DMTF1: variants seen among roughly 807,000 people sequenced by gnomAD.
DMTF1 encodes cyclin D binding myb like transcription factor 1.
A neutral mutation model predicts 91.1 loss-of-function variants in DMTF1; 39 were observed. That is an observed-to-expected ratio of 0.43 (90% confidence interval 0.33 to 0.56). The LOEUF (loss-of-function observed/expected upper bound fraction) is 0.56. Ranked by LOEUF, DMTF1 falls within the 20% of genes least tolerant of loss-of-function variation. The pLI is 0.05. For missense variants in DMTF1, 750 were observed against 914.5 expected (o/e 0.82, Z 2.32); for synonymous variants, 338 against 309.5 (o/e 1.09, Z -0.97).
chr7:87,171,085 T>TA lies in DMTF1; in HGVS notation c.324dup (p.Gln109ThrfsTer6). On this transcript the variant is annotated frameshift_variant, in exon 5 of 18. Transcript: ENST00000331242. LOFTEE classifies it high-confidence loss of function. Reference sequence around the variant, plus strand: ...GTTACTGAGGGGACTGTGACACAGATACAGGTATAGTAAATCTTTTAACTG... The same window carrying TA: ...GTTACTGAGGGGACTGTGACACAGATAACAGGTATAGTAAATCTTTTAACTG... The TA allele has an allele frequency of 6.3e-7, 1 of 1,595,650 alleles. No homozygotes were observed.
chr7:87,160,196 A>G (rs1562777492), intron 1 of DMTF1, among the ~76,000 whole-genome samples: 1 of 152,116 alleles, frequency 6.6e-6, no homozygotes, highest in Non-Finnish European at 1.5e-5. Context: ...CTGTGTAACA[A>G]CTGTCTTGAT....
chr7:87,179,530 A>T lies in DMTF1; in HGVS notation c.520-15A>T. 6.7e-7 allele frequency: 1 copy of T among 1,498,064 alleles called. No individual in the cohort carries two copies. The highest frequency in any genetic ancestry group is 1.5e-5 in the South Asian group (1 of 68,946). 92.8% of individuals were successfully genotyped at this position (1,498,064 alleles called of 1,614,324 possible). On this transcript the variant is annotated splice_polypyrimidine_tract_variant and intron_variant, in intron 7 of 17. Transcript: ENST00000331242. ...TATCAGAAATCCCTAAATCAAAGAA[A>T]TGTAACCCATTTAGGCACGCGGAAT...
At chr7:87,193,116 G>C (rs888647493) in intron 14 of DMTF1, 82 bp from the exon 15 acceptor site, 1 of 1,448,526 alleles carries the variant, frequency 6.9e-7, no homozygotes, top group African/African-American at 1.4e-5. Context: ...GTACATTTGT[G>C]TCTAGTAAAC....
chr7:87,167,764 C>G (rs926776155), intron 4 of DMTF1, among the ~76,000 whole-genome samples: 2 of 152,084 alleles, frequency 1.3e-5, no homozygotes, highest in Non-Finnish European at 2.9e-5. Context: ...CTGATGATTC[C>G]TATGTTTTTT....
chr7:87,170,908 G>C (rs1029408845), intron 4 of DMTF1, 87 bp from the exon 5 acceptor site: 1 of 833,232 alleles, frequency 1.2e-6, no homozygotes, highest in African/African-American at 1.7e-5. Flanking sequence ...GAAATTAGAT[G>C]ATCATGTTTT....
chr7:87,191,760 G>A (rs1412793471), intron 14 of DMTF1, among the ~76,000 whole-genome samples: 2 of 152,188 alleles, frequency 1.3e-5, no homozygotes, highest in African/African-American at 2.4e-5. Context: ...GTAGATCAGT[G>A]GTTTCCTGCA....
rs546598353 is a variant in DMTF1, at chr7:87,175,163, G to A, written c.519+494G>A. On this transcript the variant is annotated intron_variant, in intron 7 of 17. Transcript: ENST00000331242. ...AGCCTCCTGAGTAGCTGGGATTACA[G>A]GCATGCACCACCACGCCCGGCTAAT... 1.2e-4 allele frequency among the ~76,000 whole-genome samples: 18 copies of A among 151,950 alleles called. No individual in the cohort carries two copies. The South Asian group carries it at 1.5e-3, about 12-fold the overall frequency.
At chr7:87,172,228 A>C (rs957982939) in intron 5 of DMTF1, among the ~76,000 whole-genome samples, 1 of 152,222 alleles carries the variant, frequency 6.6e-6, no homozygotes, top group African/African-American at 2.4e-5. Flanking sequence ...AGCCTTAGAC[A>C]CATATAGTCT....
rs1459839319 is a variant in DMTF1 at position 87,191,034 on chromosome 7, A to G, written c.1494+7A>G. The G allele has an allele frequency of 1.3e-6, 2 of 1,559,076 alleles. No individual in the cohort carries two copies. Among genetic ancestry groups the G allele is most frequent in the East Asian group, 2.3e-5 (1 of 44,072 alleles). On this transcript the variant is annotated splice_region_variant and intron_variant, in intron 14 of 17. Transcript: ENST00000331242. The stretch of plus-strand genomic sequence containing the variant: ...GACATTTGAGATTCTTCCCGTGAGT[A>G]ACGCTTCATATATATTGGCCATTTT...
chr7:87,171,891 T>A (rs1198776928), intron 5 of DMTF1, among the ~76,000 whole-genome samples: 3 of 152,192 alleles, frequency 2.0e-5, no homozygotes, highest in Non-Finnish European at 4.4e-5. Context: ...CTGCTATTGC[T>A]TAAGAATTAT....
chr7:87,164,833 T>C (rs962438065), intron 2 of DMTF1, 101 bp from the exon 3 acceptor site: 2 of 586,030 alleles, frequency 3.4e-6, no homozygotes, highest in Non-Finnish European at 5.6e-6. Flanking sequence ...TGTAGGCAGA[T>C]ACCCAAATAA....
At chr7:87,172,562 T>C (rs1297484599) in intron 5 of DMTF1, among the ~76,000 whole-genome samples, 1 of 152,214 alleles carries the variant, frequency 6.6e-6, no homozygotes, top group Non-Finnish European at 1.5e-5. Context: ...ATATTAGAAG[T>C]TCAGTTTCTG....
At chr7:87,162,077 G>C (rs962170385) in intron 1 of DMTF1, among the ~76,000 whole-genome samples, 1 of 152,124 alleles carries the variant, frequency 6.6e-6, no homozygotes, top group Non-Finnish European at 1.5e-5. Flanking sequence ...ATAATGTCAT[G>C]CTTTTTATTG....
chr7:87,165,002 T>G lies in DMTF1; in HGVS notation c.61T>G (p.Leu21Val). 6.2e-7 allele frequency: 1 copy of G among 1,610,958 alleles called. No individual in the cohort carries two copies. The highest frequency in any genetic ancestry group is 8.5e-7 in the Non-Finnish European group (1 of 1,178,598). Residue 21 changes from leucine to valine, a missense_variant, in exon 3 of 18, where the codon TTG becomes GTG. Physicochemically the swap from Leu to Val is conservative, Grantham distance 32. Around this residue, in one of 3 missense-constraint regions of DMTF1, gnomAD observed 150 missense variants for 150.4 expected, o/e 1.00. Transcript: ENST00000331242. ...AGTAGAAACTGTGAACTCTGTGACT[T>G]TGACTCAGGACACAGAAGGGAATCT... ...VTVETVNSVT[L>V]TQDTEGNLIL...
intron 7 of DMTF1, among the ~76,000 whole-genome samples, chr7:87,175,700 G>T (rs1481811719): frequency 3.9e-5 from 6 of 152,192 alleles, no homozygotes; most frequent in African/African-American, 1.4e-4. Flanking sequence ...ACTTGGGCTA[G>T]AGTAGAACTT....
chr7:87,183,359 A>T (rs1797766395), intron 10 of DMTF1, among the ~76,000 whole-genome samples: 2 of 152,208 alleles, frequency 1.3e-5, no homozygotes, highest in South Asian at 4.1e-4. Context: ...CCCTTTTGGT[A>T]ACAAAATTTG....
intron 13 of DMTF1, among the ~76,000 whole-genome samples, chr7:87,188,502 CCCAA>C (rs924313203): frequency 3.3e-5 from 5 of 152,052 alleles, no homozygotes; most frequent in African/African-American, 9.7e-5. Flanking sequence ...TAAGCAGTTG[CCCAA>C]CCATTATAAA....
At chr7:87,175,703 T>G (rs1796126252) in intron 7 of DMTF1, among the ~76,000 whole-genome samples, 2 of 152,030 alleles carry the variant, frequency 1.3e-5, no homozygotes. Context: ...TGGGCTAGAG[T>G]AGAACTTGAG....
At chr7:87,155,941 A>G (rs1387835220) in intron 1 of DMTF1, among the ~76,000 whole-genome samples, 1 of 151,866 alleles carries the variant, frequency 6.6e-6, no homozygotes, top group Non-Finnish European at 1.5e-5. Flanking sequence ...TGATTCATTC[A>G]CTTCCCATCA....
Sources: gnomAD v4.1 joint callset for allele counts (sites outside exome capture counted in the v4.1 genomes callset) on GRCh38, gnomAD v4.1.1 for gene constraint, gnomAD v4.1.1 regional missense constraint, MANE v1.5 for transcripts, NCBI Gene and HGNC (gene_info 2026-07-23, HGNC 2026-07-21) for gene names.